Variants in SBF1 observed in about 807,000 individuals in gnomAD.
SBF1 encodes SET binding factor 1.
SBF1 carries 65 observed loss-of-function variants against 215.8 expected under a neutral mutation model. The ratio of observed to expected loss-of-function variants is 0.30; its 90% CI spans 0.25 to 0.37. The LOEUF (loss-of-function observed/expected upper bound fraction) is 0.37, where lower values mean the gene tolerates loss of function less well. Among genes scored for constraint, SBF1 ranks in the 10% least tolerant of loss-of-function variants. SBF1 has a pLI of 1.00. For synonymous variants in SBF1, 1,410 were observed against 1,122.8 expected (o/e 1.26, Z -5.11); for missense variants, 2,634 against 2,667.8 (o/e 0.99, Z 0.28).
Position 50,454,547 on chromosome 22 carries a change from G to A in SBF1, c.5008C>T (p.Arg1670Trp), listed in dbSNP as rs1158592167. The A allele has an allele frequency of 3.2e-5, 51 of 1,610,988 alleles. No individual in the cohort carries two copies. Among genetic ancestry groups the A allele is most frequent in the East Asian group, 4.5e-5 (2 of 44,868 alleles). The change falls in exon 36 of 41, where the codon CGG becomes TGG. Residue 1670 changes from arginine (R) to tryptophan (W), a missense_variant. Arg to Trp is a moderately radical substitution (Grantham distance 101). Coordinates refer to ENST00000380817, the MANE Select transcript of SBF1 (RefSeq NM_002972.4). Reference sequence around the variant, plus strand: ...CGTGAGATGGCGTCAGGCTGGGCCCGCGGGCAGCTGTCGTAACAGGGCCAC... The same window carrying A: ...CGTGAGATGGCGTCAGGCTGGGCCCACGGGCAGCTGTCGTAACAGGGCCAC... ...VVWPCYDSCP[R>W]AQPDAISRLL...
At chr22:50,473,878 G>A (rs2068079701) in intron 1 of SBF1, among the ~76,000 whole-genome samples, 1 of 152,194 alleles carries the variant, frequency 6.6e-6, no homozygotes. Flanking sequence ...GCTTATCCGC[G>A]CCTAACTTCT....
At chr22:50,451,776 C>T (rs895603104) in intron 36 of SBF1, among the ~76,000 whole-genome samples, 2 of 151,700 alleles carry the variant, frequency 1.3e-5, no homozygotes, top group African/African-American at 4.8e-5. Flanking sequence ...ACAATACAGG[C>T]CAGAAAACAA....
intron 29 of SBF1, 135 bp downstream of exon 29, chr22:50,456,899 G>C: frequency 2.5e-6 from 2 of 803,858 alleles, no homozygotes; most frequent in Admixed American, 3.5e-5. Flanking sequence ...AGGGAGGTAA[G>C]GACTGGGGCT....
rs2066923029 is a variant in SBF1, at chr22:50,448,528, C to G, written c.5151+15G>C. On this transcript the variant is annotated intron_variant, in intron 37 of 40. Transcript: ENST00000380817. ...AACACGCCCACCGTGGACGCTCACA[C>G]TGGCCCTCACTCACACGGCCGTCTG... The G allele has an allele frequency of 6.2e-7, 1 of 1,611,190 alleles. No individual in the cohort carries two copies. Among genetic ancestry groups the G allele is most frequent in the African/African-American group, 1.3e-5 (1 of 74,926 alleles).
chr22:50,457,529 C>T (rs1221346543), intron 28 of SBF1, among the ~76,000 whole-genome samples: 1 of 152,238 alleles, frequency 6.6e-6, no homozygotes, highest in South Asian at 2.1e-4. Context: ...CTGTCCAGGG[C>T]ACAGCAACAG....
Position 50,465,260 on chromosome 22 carries a change from C to A in SBF1, c.1158G>T (p.Leu386=), listed in dbSNP as rs758408690. Reference sequence around the variant, plus strand: ...GCTCCGGGTGGATGCGCACGACGTGCAGGCACCAGCGATAGCCCTGCAGCA... The same window carrying A: ...GCTCCGGGTGGATGCGCACGACGTGAAGGCACCAGCGATAGCCCTGCAGCA... ...AQLLQGYRWC[L]HVVRIHPEPV... The change falls in exon 11 of 41, where the codon CTG becomes CTT. Residue 386 remains leucine, a synonymous_variant. Transcript: ENST00000380817. The A allele has an allele frequency of 1.9e-6, 3 of 1,611,506 alleles. No individual in the cohort carries two copies. Among genetic ancestry groups the A allele is most frequent in the South Asian group, 2.2e-5 (2 of 90,706 alleles).
Position 50,448,458 on chromosome 22 carries a change from G to A in SBF1, c.5152-14C>T, listed in dbSNP as rs780958990. The A allele has an allele frequency of 1.2e-6, 2 of 1,613,058 alleles. No individual in the cohort carries two copies. Among genetic ancestry groups the A allele is most frequent in the African/African-American group, 1.3e-5 (1 of 75,042 alleles). ...GCTAGGGGTGCCCTGGGAACAGGAG[G>A]TTGGGACTTGGGTCAGGGCTGGACA... On this transcript the variant is annotated splice_polypyrimidine_tract_variant and intron_variant, in intron 37 of 40. Coordinates refer to ENST00000380817, the MANE Select transcript of SBF1 (RefSeq NM_002972.4).
chr22:50,474,777 G>A lies in SBF1; in HGVS notation c.55+9C>T, dbSNP rs184600817. On this transcript the variant is annotated intron_variant, in intron 1 of 40. Transcript: ENST00000380817. Reference sequence around the variant, plus strand: ...CCCCCGGCCCTCAGCGCTTGGCCTCGGCACTCACCGCGCGGGTGCGGCCCG... The same window carrying A: ...CCCCCGGCCCTCAGCGCTTGGCCTCAGCACTCACCGCGCGGGTGCGGCCCG... 0.016 allele frequency: 23,833 copies of A among 1,462,528 alleles called. 254 individuals carry two copies. Among genetic ancestry groups the A allele is most frequent in the Non-Finnish European group, 0.018 (20,415 of 1,111,312 alleles). The allele number at this position is 1,462,528 out of a possible 1,614,324, so 90.6% of individuals were successfully genotyped here. A position where few individuals can be genotyped will look rare whatever the true frequency, so the allele number is the denominator to read the frequency against.
In SBF1 at chr22:50,452,329, C is replaced by G. The variant is rs138247994; in HGVS notation, c.5043+2183G>C. On this transcript the variant is annotated intron_variant, in intron 36 of 40. Transcript: ENST00000380817. ...GGCTGAAGAGAAATAATAACCAGACCAGATTATACTGAAAGAATGAAGAAT... is the reference window on the plus strand; with the variant it reads ...GGCTGAAGAGAAATAATAACCAGACGAGATTATACTGAAAGAATGAAGAAT... 2.1e-3 allele frequency among the ~76,000 whole-genome samples: 318 copies of G among 152,082 alleles called. 1 individual carries two copies. The highest frequency in any genetic ancestry group is 7.1e-3 in the African/African-American group (296 of 41,488).
At chr22:50,461,046 C>A in intron 23 of SBF1, 113 bp downstream of exon 23, 2 of 1,369,420 alleles carry the variant, frequency 1.5e-6, no homozygotes, top group Non-Finnish European at 1.9e-6. Flanking sequence ...GCAAGCGTAA[C>A]AACAGGGCCA....
Position 50,448,635 on chromosome 22 carries a change from C to T in SBF1, c.5059G>A (p.Glu1687Lys). ...TCAGCGGGTTGGCCCAACTCTGTCT[C>T]CAGCCTCTGCAGCTCCTGGGGGAAG... ...SRLLEELQRL[E>K]TELGQPAERW... is the part of the protein sequence containing the mutation. The change falls in exon 37 of 41, where the codon GAG (glutamate) becomes AAG (lysine). Residue 1687 changes from glutamate (E) to lysine (K), a missense_variant. Glu to Lys is a moderately conservative substitution (Grantham distance 56, BLOSUM62 1). Coordinates refer to ENST00000380817, the MANE Select transcript of SBF1 (RefSeq NM_002972.4). The T allele has an allele frequency of 1.2e-6, 2 of 1,611,038 alleles. No homozygotes were observed. The highest frequency in any genetic ancestry group is 8.5e-7 in the Non-Finnish European group (1 of 1,179,754).
At chr22:50,472,655 C>G (rs937956883) in intron 1 of SBF1, among the ~76,000 whole-genome samples, 2 of 152,304 alleles carry the variant, frequency 1.3e-5, no homozygotes, top group East Asian at 1.9e-4. Context: ...GCACAGAGAG[C>G]CAAACAACTG....
In SBF1 at chr22:50,447,229, C is replaced by A; in HGVS notation, c.5595G>T (p.Thr1865=). 1 of 1,613,988 alleles carries A rather than the reference C, an allele frequency of 6.2e-7. No homozygotes were observed. The highest frequency in any genetic ancestry group is 8.5e-7 in the Non-Finnish European group (1 of 1,179,992). Residue 1865 remains threonine (T), a synonymous_variant, in exon 41 of 41, where the codon ACG becomes ACT. Coordinates refer to ENST00000380817, the MANE Select transcript of SBF1 (RefSeq NM_002972.4). ...DEKAFFDVKT[T]RRVYNFCAQD... ...GGGCACAGAAGTTGTAAACGCGACG[C>A]GTTGTCTTCACCTGGGGAAGGGCGG...
At position 50,465,343 on chromosome 22, in the gene SBF1, G is replaced by A; in HGVS notation, c.1090-15C>T. 6.4e-7 allele frequency: 1 copy of A among 1,557,678 alleles called. No homozygotes were observed. The highest frequency in any genetic ancestry group is 2.4e-5 in the East Asian group (1 of 42,550). On this transcript the variant is annotated splice_polypyrimidine_tract_variant and intron_variant, in intron 10 of 40. Coordinates refer to ENST00000380817, the MANE Select transcript of SBF1 (RefSeq NM_002972.4). ...AGCTCCTTGTCCTGGGAGAAGAGCT[G>A]AGTGCAGGTGAGAGCCAGTCCTGCC... is the stretch of plus-strand genomic sequence containing the variant.
intron 29 of SBF1, 130 bp from the exon 30 acceptor site, chr22:50,456,803 G>T: frequency 1.2e-6 from 1 of 840,644 alleles, no homozygotes; most frequent in Non-Finnish European, 1.8e-6. Flanking sequence ...CCCCAGCAGG[G>T]CCGTGCGAGA....
rs577935208 is a variant in SBF1 at position 50,467,477 on chromosome 22, G to A, written c.439-29C>T. On this transcript the variant is annotated intron_variant, in intron 4 of 40. Coordinates refer to ENST00000380817, the MANE Select transcript of SBF1 (RefSeq NM_002972.4). ...CAATGACCAGAGCGGGGAGTGGTGG[G>A]ACAGCCGATGGAAGCACCCTCGTCG... 1.2e-4 allele frequency: 195 copies of A among 1,613,924 alleles called. 1 individual carries two copies. In the East Asian group the frequency reaches 3.3e-3, roughly 27 times the overall value.
At chr22:50,450,148 CCTT>C (rs2066991846) in intron 36 of SBF1, among the ~76,000 whole-genome samples, 1 of 152,194 alleles carries the variant, frequency 6.6e-6, no homozygotes, top group Non-Finnish European at 1.5e-5. Context: ...ACAGAGCCCT[CCTT>C]GAGTCGTTGG....
rs1036665008 is a variant in SBF1 at position 50,463,276 on chromosome 22, G to A, written c.1899+7C>T. The A allele has an allele frequency of 9.9e-6, 16 of 1,613,194 alleles. No homozygotes were observed. Among genetic ancestry groups the A allele is most frequent in the African/African-American group, 1.3e-5 (1 of 74,928 alleles). ...AGCCATGTCACTAGCAGGATAAGAG[G>A]CCTCACCTGCAGGCAGCAGTTCATC... is the stretch of plus-strand genomic sequence containing the variant. On this transcript the variant is annotated splice_region_variant and intron_variant, in intron 16 of 40. Transcript: ENST00000380817.
intron 36 of SBF1, 31 bp from the exon 37 acceptor site, chr22:50,448,681 A>G (rs532314401): frequency 1.6e-4 from 250 of 1,529,392 alleles, no homozygotes; most frequent in South Asian, 4.9e-4. Context: ...AAGTTTATTC[A>G]AAAGGAAATA....
Sources: allele counts gnomAD v4.1 joint callset (sites outside exome capture counted in the v4.1 genomes callset), GRCh38; gene constraint gnomAD v4.1.1; transcripts MANE v1.5; gene names NCBI Gene and HGNC (gene_info 2026-07-23, HGNC 2026-07-21).